Variants in MACROD2 observed in about 807,000 individuals in gnomAD.
MACROD2 encodes mono-ADP ribosylhydrolase 2.
MACROD2 carries 36 observed loss-of-function variants against 70.4 expected under a neutral mutation model. The ratio of observed to expected loss-of-function variants is 0.51; its 90% CI spans 0.39 to 0.68. MACROD2 has a LOEUF of 0.68. MACROD2 is among the 30% of genes least tolerant of loss of function. The probability of loss-of-function intolerance (pLI) is 0.00; values close to 1 mark genes in which losing one functional copy is unlikely to be tolerated. For synonymous variants in MACROD2, 172 were observed against 178.8 expected (o/e 0.96, Z 0.30); for missense variants, 496 against 538.4 (o/e 0.92, Z 0.78).
chr20:14,490,964 A>G (rs919270698), intron 3 of MACROD2, among the ~76,000 whole-genome samples: 8 of 152,184 alleles, frequency 5.3e-5, no homozygotes, highest in African/African-American at 1.7e-4. Flanking sequence ...TGCAGGCCAA[A>G]CCATTGAACT....
At chr20:16,003,268 T>G (rs1172624757) in intron 15 of MACROD2, among the ~76,000 whole-genome samples, 1 of 152,178 alleles carries the variant, frequency 6.6e-6, no homozygotes, top group African/African-American at 2.4e-5. Flanking sequence ...TGAGCTCCCC[T>G]TCGAGTATAT....
At chr20:15,395,175 T>C (rs2045844858) in intron 6 of MACROD2, among the ~76,000 whole-genome samples, 1 of 152,218 alleles carries the variant, frequency 6.6e-6, no homozygotes, top group South Asian at 2.1e-4. Flanking sequence ...CCATTATCCC[T>C]GCCACAGTCT....
intron 6 of MACROD2, among the ~76,000 whole-genome samples, chr20:15,329,823 G>A (rs2423927): frequency 0.4 from 60,844 of 151,822 alleles, 12,398 homozygotes; most frequent in East Asian, 0.62. Flanking sequence ...CAATCTATTG[G>A]TGGGGCTCAG....
chr20:14,898,360 C>G (rs1168505636), intron 5 of MACROD2, among the ~76,000 whole-genome samples: 2 of 152,042 alleles, frequency 1.3e-5, no homozygotes, highest in African/African-American at 4.8e-5. Flanking sequence ...AAGCTTAGAG[C>G]TCACTGGTTA....
chr20:14,616,915 ATC>A (rs1350772258), intron 4 of MACROD2, among the ~76,000 whole-genome samples: 1 of 152,138 alleles, frequency 6.6e-6, no homozygotes, highest in Non-Finnish European at 1.5e-5. Context: ...ACTGTGTACA[ATC>A]TCTCTTTTGA....
intron 12 of MACROD2, among the ~76,000 whole-genome samples, chr20:15,945,586 T>G (rs533852966): frequency 1.3e-5 from 2 of 152,244 alleles, no homozygotes; most frequent in Non-Finnish European, 2.9e-5. Context: ...TGTTGCCAAA[T>G]TGCTTTCCCA....
intron 6 of MACROD2, among the ~76,000 whole-genome samples, chr20:15,304,332 T>G (rs1568707787): frequency 6.6e-6 from 1 of 152,188 alleles, no homozygotes; most frequent in Admixed American, 6.5e-5. Context: ...TTTTATTTGC[T>G]TCCCATACAG....
At chr20:15,130,765 A>G (rs1019955086) in intron 5 of MACROD2, among the ~76,000 whole-genome samples, 2 of 152,080 alleles carry the variant, frequency 1.3e-5, no homozygotes, top group African/African-American at 2.4e-5. Flanking sequence ...CAACCTGCCT[A>G]TTGCCTTAAT....
intron 8 of MACROD2, among the ~76,000 whole-genome samples, chr20:15,680,088 C>T (rs973502842): frequency 5.3e-5 from 8 of 152,248 alleles, no homozygotes; most frequent in African/African-American, 1.4e-4. Context: ...TCAAGTCCTC[C>T]AAGTAACTGG....
intron 5 of MACROD2, among the ~76,000 whole-genome samples, chr20:14,782,460 A>G (rs902118071): frequency 6.6e-6 from 1 of 152,096 alleles, no homozygotes; most frequent in Non-Finnish European, 1.5e-5. Flanking sequence ...TTCTAACCCC[A>G]GTTTTTCAAC....
At chr20:14,246,803 T>C (rs757328573) in intron 3 of MACROD2, among the ~76,000 whole-genome samples, 181 of 152,332 alleles carry the variant, frequency 1.2e-3, no homozygotes, top group Non-Finnish European at 2.0e-3. Context: ...TCCCAAACTC[T>C]TATTCAGCCT....
At chr20:14,474,989 C>T (rs2084574573) in intron 3 of MACROD2, among the ~76,000 whole-genome samples, 1 of 151,672 alleles carries the variant, frequency 6.6e-6, no homozygotes, top group East Asian at 1.9e-4. Flanking sequence ...TGTACTCCTG[C>T]CATTTTGTTA....
chr20:15,774,729 C>T (rs563438448), intron 8 of MACROD2, among the ~76,000 whole-genome samples: 2 of 151,920 alleles, frequency 1.3e-5, no homozygotes, highest in South Asian at 4.2e-4. Context: ...CTAGGAGAAT[C>T]GAGTTTCAGA....
chr20:15,554,052 G>A (rs1458953463), intron 8 of MACROD2, among the ~76,000 whole-genome samples: 1 of 152,230 alleles, frequency 6.6e-6, no homozygotes, highest in African/African-American at 2.4e-5. Flanking sequence ...AGAGGGCTAT[G>A]CTGTAATCCA....
chr20:14,374,771 A>G (rs912254497), intron 3 of MACROD2, among the ~76,000 whole-genome samples: 1 of 152,144 alleles, frequency 6.6e-6, no homozygotes, highest in South Asian at 2.1e-4. Flanking sequence ...CTATTTATAA[A>G]TAGGTATCCT....
chr20:14,072,999 A>T (rs116856584), intron 2 of MACROD2, among the ~76,000 whole-genome samples: 1,848 of 152,224 alleles, frequency 0.012, 38 homozygotes, highest in East Asian at 0.053. Flanking sequence ...ATGCATTAGA[A>T]CTAAATAAAA....
At chr20:15,926,011 C>T (rs1162473948) in intron 10 of MACROD2, among the ~76,000 whole-genome samples, 2 of 152,194 alleles carry the variant, frequency 1.3e-5, no homozygotes, top group Non-Finnish European at 2.9e-5. Flanking sequence ...CCCAAACTGG[C>T]TACACATGCT....
At chr20:16,027,532 G>A (rs532503043) in intron 15 of MACROD2, among the ~76,000 whole-genome samples, 88 of 152,250 alleles carry the variant, frequency 5.8e-4, no homozygotes, top group African/African-American at 2.1e-3. Flanking sequence ...TTCTTCTGTG[G>A]GCCTTAAGTG....
intron 3 of MACROD2, among the ~76,000 whole-genome samples, chr20:14,344,199 CA>C (rs1452676095): frequency 6.6e-6 from 1 of 152,184 alleles, no homozygotes; most frequent in African/African-American, 2.4e-5. Flanking sequence ...AATTGCCCTT[CA>C]TTGGCACTGT....
Sources: allele counts gnomAD v4.1 joint callset (sites outside exome capture counted in the v4.1 genomes callset), GRCh38; gene constraint gnomAD v4.1.1; transcripts MANE v1.5; gene names NCBI Gene and HGNC (gene_info 2026-07-23, HGNC 2026-07-21).